Variants in FGF13 observed in about 807,000 individuals in gnomAD.
FGF13 encodes the protein fibroblast growth factor homologous factor 2.
FGF13 carries 2 observed loss-of-function variants against 19.5 expected under a neutral mutation model. The observed-to-expected ratio is 0.10, with a 90% confidence interval of 0.04 to 0.32. FGF13 has a LOEUF of 0.32. FGF13 is among the 10% of genes least tolerant of loss of function. The pLI is 1.00. For missense variants in FGF13, 113 were observed against 192.7 expected, an observed-to-expected ratio of 0.59 and a Z score of 2.45; for synonymous variants, 72 against 76.9, an observed-to-expected ratio of 0.94 and a Z score of 0.33.
chrX:138,678,439 G>T (rs751623120), intron 3 of FGF13, among the ~76,000 whole-genome samples: 1 of 111,630 alleles, frequency 9.0e-6, no homozygotes, highest in African/African-American at 3.3e-5. Flanking sequence ...TAACTAAACC[G>T]TTAGATTCAC....
rs188482204 is a variant in FGF13 at position 139,093,454 on chromosome X, G to A, written c.-113+109962C>T. On this transcript the variant is annotated intron_variant, in intron 1 of 2. Coordinates refer to the FGF13 transcript ENST00000421460. Reference sequence around the variant, plus strand: ...ACCAAGGGTCAGTGGAGAAGCAAGCGACAGATGGAACTGACTCAAGAAAAA... The same window carrying A: ...ACCAAGGGTCAGTGGAGAAGCAAGCAACAGATGGAACTGACTCAAGAAAAA... Among the ~76,000 whole-genome samples, 299 of 112,216 alleles carry A rather than the reference G, an allele frequency of 2.7e-3. 2 individuals are homozygous for A. Among genetic ancestry groups the A allele is most frequent in the African/African-American group, 9.3e-3 (287 of 30,899 alleles).
chrX:138,886,389 A>G, intron 1 of FGF13, among the ~76,000 whole-genome samples: 1 of 112,506 alleles, frequency 8.9e-6, no homozygotes, highest in South Asian at 3.6e-4. Flanking sequence ...AACAAAGTCA[A>G]TACTTACGGA....
chrX:139,125,949 G>T (rs1253881362), intron 1 of FGF13, among the ~76,000 whole-genome samples: 1 of 111,991 alleles, frequency 8.9e-6, no homozygotes, highest in Admixed American at 9.5e-5. Context: ...GGTTTCATCT[G>T]TTCAGATGAG....
At chrX:139,070,867 C>A (rs1439894974) in intron 1 of FGF13, among the ~76,000 whole-genome samples, 8 of 111,477 alleles carry the variant, frequency 7.2e-5, no homozygotes, top group African/African-American at 2.3e-4. Context: ...AACCATCATT[C>A]TCAGCAAACT....
chrX:138,778,144 G>T (rs890954023), intron 3 of FGF13, among the ~76,000 whole-genome samples: 4 of 110,309 alleles, frequency 3.6e-5, no homozygotes, highest in Non-Finnish European at 7.6e-5. Context: ...TGAGGTACCG[G>T]GTTCATCTCA....
At chrX:139,150,604 C>T (rs2083927110) in intron 1 of FGF13, among the ~76,000 whole-genome samples, 1 of 111,604 alleles carries the variant, frequency 9.0e-6, no homozygotes, top group Non-Finnish European at 1.9e-5. Context: ...TAGGCTGAGT[C>T]CACCTGCAGT....
chrX:138,892,823 G>T (rs1413237096), intron 1 of FGF13, among the ~76,000 whole-genome samples: 1 of 109,786 alleles, frequency 9.1e-6, no homozygotes, highest in Admixed American at 9.8e-5. Context: ...AGCATATATG[G>T]GTGGTAGACA....
chrX:139,116,874 C>T (rs2083643309), intron 1 of FGF13, among the ~76,000 whole-genome samples: 1 of 111,166 alleles, frequency 9.0e-6, no homozygotes, highest in South Asian at 3.8e-4. Context: ...ACTATACTTC[C>T]CTGGGGACTG....
At chrX:139,070,478 A>G (rs2092373061) in intron 1 of FGF13, among the ~76,000 whole-genome samples, 1 of 112,315 alleles carries the variant, frequency 8.9e-6, no homozygotes, top group South Asian at 3.7e-4. Flanking sequence ...TCAGGAAACA[A>G]CAGAGGCTGG....
chrX:138,805,349 T>C (rs763765547), intron 3 of FGF13, among the ~76,000 whole-genome samples: 12 of 112,183 alleles, frequency 1.1e-4, no homozygotes, highest in Non-Finnish European at 2.3e-4. Context: ...CAGATTAACC[T>C]TGAAATTAAC....
At chrX:138,712,435 A>G (rs1282577775), upstream of FGF13, among the ~76,000 whole-genome samples, 2 of 111,301 alleles carry the variant, frequency 1.8e-5, no homozygotes, top group Non-Finnish European at 3.8e-5. Context: ...GAACCTCTCT[A>G]TTTAAGCTGT....
intron 1 of FGF13, among the ~76,000 whole-genome samples, chrX:139,099,802 T>C (rs1391044187): frequency 9.0e-6 from 1 of 111,419 alleles, no homozygotes; most frequent in Non-Finnish European, 1.9e-5. Context: ...ATTTTTTTAA[T>C]TACTGTTAGA....
At chrX:138,809,615 G>T (rs1429897897) in intron 3 of FGF13, among the ~76,000 whole-genome samples, 1 of 111,215 alleles carries the variant, frequency 9.0e-6, no homozygotes. Context: ...GCATGAGAAA[G>T]AAATAAAGGG....
At chrX:139,151,663 T>G (rs1362421639) in intron 1 of FGF13, among the ~76,000 whole-genome samples, 1 of 112,230 alleles carries the variant, frequency 8.9e-6, no homozygotes, top group Non-Finnish European at 1.9e-5. Context: ...TGAAGCACCT[T>G]GCTATTAAAT....
At chrX:138,990,558 A>T (rs939840966) in intron 1 of FGF13, 2 of 110,186 alleles carry the variant, frequency 1.8e-5, no homozygotes, top group Non-Finnish European at 3.8e-5. Flanking sequence ...GGCAAGCAGG[A>T]GCAAGTCACA....
intron 3 of FGF13, among the ~76,000 whole-genome samples, chrX:138,777,466 T>C (rs2090596672): frequency 1.8e-5 from 2 of 111,962 alleles, no homozygotes; most frequent in African/African-American, 3.3e-5. Flanking sequence ...TGAAGCATTT[T>C]TGTCCCAACA....
intron 3 of FGF13, 42 bp downstream of exon 3, chrX:138,702,942 A>G (rs993672003): frequency 7.2e-6 from 7 of 971,484 alleles, no homozygotes; most frequent in African/African-American, 1.9e-5. Flanking sequence ...ATATTGGATG[A>G]AAACTAGAAT....
chrX:138,962,530 A>G (rs1023522375), intron 1 of FGF13, among the ~76,000 whole-genome samples: 5 of 112,420 alleles, frequency 4.4e-5, no homozygotes, highest in African/African-American at 1.6e-4. Context: ...ATGCTATCAT[A>G]AAGACACATG....
chrX:138,783,736 C>A (rs2090667573), intron 3 of FGF13, among the ~76,000 whole-genome samples: 1 of 106,729 alleles, frequency 9.4e-6, no homozygotes, highest in Non-Finnish European at 2.0e-5. Context: ...ACTAGTTCAA[C>A]CATTGTGGAA....
Sources: allele counts gnomAD v4.1 joint callset (sites outside exome capture counted in the v4.1 genomes callset), GRCh38; gene constraint gnomAD v4.1.1; transcripts MANE v1.5; gene names NCBI Gene and HGNC (gene_info 2026-07-23, HGNC 2026-07-21).